The following PPARGC1A variants were observed in gnomAD, a reference collection of about 807,000 sequenced individuals.
The protein encoded by PPARGC1A is PPARG coactivator 1 alpha, also known as peroxisome proliferator-activated receptor gamma coactivator 1-alpha.
Under a neutral mutation model 88.7 loss-of-function variants are expected in PPARGC1A, and 25 were observed. The ratio of observed to expected loss-of-function variants is 0.28; its 90% confidence interval spans 0.21 to 0.39. The LOEUF (loss-of-function observed/expected upper bound fraction) is 0.39. Among genes scored for constraint, PPARGC1A ranks in the 10% least tolerant of loss-of-function variants. PPARGC1A has a pLI of 1.00. For synonymous variants in PPARGC1A, 363 were observed against 355.6 expected (o/e 1.02, Z -0.24); for missense variants, 880 against 968.7 (o/e 0.91, Z 1.22).
At chr4:24,000,885 T>A in the PPARGC1A span, among the ~76,000 whole-genome samples, 1 of 152,206 alleles carries the variant, frequency 6.6e-6, no homozygotes, top group African/African-American at 2.4e-5. Context: ...CATCACACAA[T>A]GCCAACAACC....
the PPARGC1A span, among the ~76,000 whole-genome samples, chr4:23,940,329 C>T: frequency 1.3e-5 from 2 of 152,062 alleles, no homozygotes; most frequent in African/African-American, 4.8e-5. Context: ...CTACATGGAA[C>T]GCAGAAGAGA....
chr4:23,895,280 A>G (rs976367252), intron 1 of PPARGC1A, among the ~76,000 whole-genome samples: 1 of 151,306 alleles, frequency 6.6e-6, no homozygotes, highest in African/African-American at 2.4e-5. Context: ...TATTTTGCAA[A>G]TAGTCTCAAA....
At chr4:24,281,589 T>C in the PPARGC1A span, among the ~76,000 whole-genome samples, 89,936 of 152,032 alleles carry the variant, frequency 0.59, 27,160 homozygotes, top group African/African-American at 0.71. Context: ...CACTGAGGAT[T>C]GAATTTCAAC....
At chr4:24,426,094 G>A in the PPARGC1A span, among the ~76,000 whole-genome samples, 11 of 152,250 alleles carry the variant, frequency 7.2e-5, no homozygotes, top group South Asian at 4.1e-4. Flanking sequence ...AAATTACAAC[G>A]GGGAGGGAAC....
the PPARGC1A span, among the ~76,000 whole-genome samples, chr4:23,945,599 A>C: frequency 6.6e-6 from 1 of 152,142 alleles, no homozygotes; most frequent in African/African-American, 2.4e-5. Flanking sequence ...GGGCCTAGAC[A>C]ATAGGAAGTT....
At chr4:24,343,325 C>T in the PPARGC1A span, among the ~76,000 whole-genome samples, 2 of 152,220 alleles carry the variant, frequency 1.3e-5, no homozygotes, top group South Asian at 2.1e-4. Context: ...CTTTAGAAGG[C>T]GATTGGGCCA....
the PPARGC1A span, among the ~76,000 whole-genome samples, chr4:24,471,667 A>G: frequency 6.6e-6 from 1 of 151,904 alleles, no homozygotes; most frequent in East Asian, 1.9e-4. This position sits in a 1 kb window ranked among gnomAD's most constrained non-coding sequence, Gnocchi z 5.4. Flanking sequence ...CCCCCGAGTC[A>G]CACCGACACG....
chr4:24,292,647 CA>C, the PPARGC1A span, among the ~76,000 whole-genome samples: 1 of 103,372 alleles, frequency 9.7e-6, no homozygotes, highest in South Asian at 4.3e-4. Context: ...CCCTCACCCC[CA>C]CCCCTTCCTG....
chr4:24,153,950 GA>G, the PPARGC1A span, among the ~76,000 whole-genome samples: 11 of 152,178 alleles, frequency 7.2e-5, no homozygotes, highest in East Asian at 1.7e-3. Context: ...GAAAGGGAGG[GA>G]AAGGAGAAGA....
the PPARGC1A span, among the ~76,000 whole-genome samples, chr4:24,374,563 T>TAAA: frequency 6.8e-6 from 1 of 146,556 alleles, no homozygotes; most frequent in African/African-American, 2.5e-5. Flanking sequence ...AAATAAATGT[T>TAAA]AAAAAAAAAA....
At chr4:24,327,354 C>T in the PPARGC1A span, among the ~76,000 whole-genome samples, 3 of 152,092 alleles carry the variant, frequency 2.0e-5, no homozygotes, top group Non-Finnish European at 4.4e-5. Flanking sequence ...TACACTGTTT[C>T]TCCAAGCCTT....
At chr4:24,064,423 A>T in the PPARGC1A span, among the ~76,000 whole-genome samples, 2 of 151,984 alleles carry the variant, frequency 1.3e-5, no homozygotes, top group Non-Finnish European at 2.9e-5. Flanking sequence ...TAATTGCAAT[A>T]TTTCCATTGC....
At chr4:23,987,696 C>T in the PPARGC1A span, among the ~76,000 whole-genome samples, 1 of 151,982 alleles carries the variant, frequency 6.6e-6, no homozygotes, top group Non-Finnish European at 1.5e-5. Flanking sequence ...CGACCTGTCT[C>T]ATTTCTCCAC....
At chr4:23,950,670 G>A in the PPARGC1A span, among the ~76,000 whole-genome samples, 1 of 152,136 alleles carries the variant, frequency 6.6e-6, no homozygotes. Flanking sequence ...TAAGGATCCT[G>A]TGTGACAATG....
chr4:24,063,704 A>C, the PPARGC1A span, among the ~76,000 whole-genome samples: 1 of 152,132 alleles, frequency 6.6e-6, no homozygotes, highest in Non-Finnish European at 1.5e-5. Context: ...ACTGGGCTGG[A>C]ACCAAGAATA....
At position 23,866,645 on chromosome 4, in the gene PPARGC1A, C is replaced by A. The variant is rs112929212; in HGVS notation, c.234+18107G>T. 6.2e-3 allele frequency among the ~76,000 whole-genome samples: 947 copies of A among 152,316 alleles called. 7 individuals are homozygous for A. Among genetic ancestry groups the A allele is most frequent in the Middle Eastern group, 0.031 (9 of 294 alleles). On this transcript the variant is annotated intron_variant, in intron 2 of 12. Transcript: ENST00000264867. Reference sequence around the variant, plus strand: ...GGGATGCAATGCCGAAAGACTCTTACAGGAGCTTACCCTTGAGCTAAAAAT... The same window carrying A: ...GGGATGCAATGCCGAAAGACTCTTAAAGGAGCTTACCCTTGAGCTAAAAAT...
the PPARGC1A span, among the ~76,000 whole-genome samples, chr4:23,982,572 G>A: frequency 6.6e-6 from 1 of 152,156 alleles, no homozygotes; most frequent in East Asian, 1.9e-4. Context: ...CTAAAATTCA[G>A]AGATGCTATA....
chr4:23,828,373 A>G (rs1460470356), intron 5 of PPARGC1A, 27 bp downstream of exon 5: 1 of 1,593,310 alleles, frequency 6.3e-7, no homozygotes, highest in Non-Finnish European at 8.6e-7. Flanking sequence ...TGCCCTCACC[A>G]ACAGCTCGTT....
At chr4:23,974,935 A>G in the PPARGC1A span, among the ~76,000 whole-genome samples, 2 of 149,938 alleles carry the variant, frequency 1.3e-5, no homozygotes, top group Non-Finnish European at 3.0e-5. Context: ...GATTACAGGC[A>G]TGAGCAACCA....
Sources: allele counts gnomAD v4.1 joint callset (sites outside exome capture counted in the v4.1 genomes callset), GRCh38; gene constraint gnomAD v4.1.1; non-coding constraint Gnocchi (gnomAD v3.1); transcripts MANE v1.5; gene names NCBI Gene and HGNC (gene_info 2026-07-23, HGNC 2026-07-21).